SLC14A2: variants seen among roughly 807,000 people sequenced by gnomAD.
The protein encoded by SLC14A2 is urea transporter 2.
A neutral mutation model predicts 104.6 loss-of-function variants in SLC14A2; 91 were observed. The observed-to-expected ratio is 0.87, with a 90% CI of 0.73 to 1.04. SLC14A2 has a LOEUF of 1.04. SLC14A2 is among the 50% of genes least tolerant of loss of function. The probability of loss-of-function intolerance (pLI) is 0.00; values close to 1 mark genes in which losing one functional copy is unlikely to be tolerated. For missense variants in SLC14A2, 1,189 were observed against 1,156.0 expected (o/e 1.03, Z -0.41); for synonymous variants, 476 against 466.4 (o/e 1.02, Z -0.27).
intron 1 of SLC14A2, among the ~76,000 whole-genome samples, chr18:45,479,346 G>A (rs1166478940): frequency 5.9e-5 from 9 of 152,114 alleles, no homozygotes; most frequent in Non-Finnish European, 8.8e-5. Context: ...AATAAATAAA[G>A]GAATGAACAA....
At chr18:45,240,462 G>A (rs1273846711) in intron 1 of SLC14A2, among the ~76,000 whole-genome samples, 3 of 151,746 alleles carry the variant, frequency 2.0e-5, no homozygotes, top group Non-Finnish European at 4.4e-5. Context: ...TGTGATTGCT[G>A]GATTACATGG....
chr18:45,513,370 T>C (rs1454029498), intron 2 of SLC14A2, among the ~76,000 whole-genome samples: 3 of 152,200 alleles, frequency 2.0e-5, no homozygotes, highest in Non-Finnish European at 4.4e-5. Context: ...CAATATGTGA[T>C]AAAGAAATTT....
chr18:45,490,432 A>G (rs147628141), intron 2 of SLC14A2, among the ~76,000 whole-genome samples: 427 of 152,336 alleles, frequency 2.8e-3, no homozygotes, highest in Non-Finnish European at 5.0e-3. Flanking sequence ...TCAATTTCAT[A>G]TGCAAAATAA....
At chr18:45,249,888 G>T (rs923658722) in intron 1 of SLC14A2, among the ~76,000 whole-genome samples, 1 of 152,148 alleles carries the variant, frequency 6.6e-6, no homozygotes, top group Non-Finnish European at 1.5e-5. Flanking sequence ...GTTCAAGGGT[G>T]CAGTGAGCTA....
At chr18:45,678,937 T>TAC (rs1457590521) in intron 18 of SLC14A2, 38 bp from the exon 19 acceptor site, 1 of 1,557,796 alleles carries the variant, frequency 6.4e-7, no homozygotes, top group African/African-American at 1.4e-5. Context: ...ATTAAATAGT[T>TAC]ACTGGTCTAT....
intron 2 of SLC14A2, among the ~76,000 whole-genome samples, chr18:45,593,473 G>A (rs2044679540): frequency 6.8e-6 from 1 of 147,074 alleles, no homozygotes; most frequent in African/African-American, 2.5e-5. Context: ...TGATAACTAA[G>A]CATTTCCTTA....
chr18:45,487,441 C>A (rs542662602), intron 2 of SLC14A2, among the ~76,000 whole-genome samples: 1 of 152,308 alleles, frequency 6.6e-6, no homozygotes, highest in South Asian at 2.1e-4. Context: ...GCAACACATT[C>A]GCAAGTTCCT....
At chr18:45,446,353 G>A (rs1022203016) in intron 1 of SLC14A2, among the ~76,000 whole-genome samples, 1 of 152,118 alleles carries the variant, frequency 6.6e-6, no homozygotes, top group Non-Finnish European at 1.5e-5. Flanking sequence ...CCTATGATGG[G>A]ATTAGTGTCC....
chr18:45,292,266 T>C (rs1380445436), intron 1 of SLC14A2, among the ~76,000 whole-genome samples: 1 of 152,182 alleles, frequency 6.6e-6, no homozygotes, highest in African/African-American at 2.4e-5. Flanking sequence ...AAGAGAGACA[T>C]TGAAAATTGA....
chr18:45,561,086 G>C (rs1362781597), intron 2 of SLC14A2, among the ~76,000 whole-genome samples: 2 of 152,132 alleles, frequency 1.3e-5, no homozygotes, highest in Non-Finnish European at 2.9e-5. Context: ...AGATTTCTGA[G>C]GACTGGAGGG....
At chr18:45,211,481 G>GA (rs2083961254), upstream of SLC14A2, among the ~76,000 whole-genome samples, 1 of 152,090 alleles carries the variant, frequency 6.6e-6, no homozygotes. Context: ...TTAGGGAGAA[G>GA]AAAAAAATTA....
At chr18:45,341,338 C>G (rs1195676662) in intron 1 of SLC14A2, among the ~76,000 whole-genome samples, 1 of 152,148 alleles carries the variant, frequency 6.6e-6, no homozygotes, top group Non-Finnish European at 1.5e-5. Context: ...GCAAATTTGC[C>G]TGCTCACTAA....
chr18:45,197,021 C>T, the SLC14A2 span, among the ~76,000 whole-genome samples: 1 of 152,174 alleles, frequency 6.6e-6, no homozygotes, highest in Non-Finnish European at 1.5e-5. Flanking sequence ...GAAGGATGTG[C>T]TGGCTTCAGA....
the SLC14A2 span, among the ~76,000 whole-genome samples, chr18:45,193,240 G>C: frequency 4.1e-4 from 63 of 152,034 alleles, no homozygotes; most frequent in Non-Finnish European, 7.2e-4. Context: ...TAATTATTAT[G>C]AAATCCAGTT....
intron 1 of SLC14A2, among the ~76,000 whole-genome samples, chr18:45,386,973 C>T (rs2085904085): frequency 6.6e-6 from 1 of 152,176 alleles, no homozygotes; most frequent in Admixed American, 6.5e-5. Context: ...CACTATGACA[C>T]TCTGTGAATA....
the SLC14A2 span, among the ~76,000 whole-genome samples, chr18:45,203,371 G>A: frequency 6.6e-6 from 1 of 152,148 alleles, no homozygotes; most frequent in African/African-American, 2.4e-5. Context: ...TCACTTCAAG[G>A]TTCAGGCGGA....
intron 1 of SLC14A2, among the ~76,000 whole-genome samples, chr18:45,275,970 A>T (rs2084698217): frequency 6.6e-6 from 1 of 152,232 alleles, no homozygotes; most frequent in Non-Finnish European, 1.5e-5. Context: ...GGTCAGGAAA[A>T]CCTGTTTGCG....
intron 1 of SLC14A2, among the ~76,000 whole-genome samples, chr18:45,265,805 G>A (rs1370610458): frequency 6.6e-6 from 1 of 152,146 alleles, no homozygotes; most frequent in African/African-American, 2.4e-5. Context: ...TTGCCCTGTT[G>A]TTACTGTTTT....
the SLC14A2 span, among the ~76,000 whole-genome samples, chr18:45,195,153 G>C: frequency 6.6e-6 from 1 of 152,176 alleles, no homozygotes; most frequent in African/African-American, 2.4e-5. Flanking sequence ...GTAGCATAAT[G>C]AGGGACGAAG....
Sources: allele counts gnomAD v4.1 joint callset (sites outside exome capture counted in the v4.1 genomes callset), GRCh38; gene constraint gnomAD v4.1.1; transcripts MANE v1.5; gene names NCBI Gene and HGNC (gene_info 2026-07-23, HGNC 2026-07-21).